The following MAMLD1 variants were observed in gnomAD, a reference collection of about 807,000 sequenced individuals.
MAMLD1 encodes the protein mastermind-like domain-containing protein 1.
A neutral mutation model predicts 45.0 loss-of-function variants in MAMLD1; 14 were observed. That is an observed-to-expected ratio of 0.31 (90% CI 0.21 to 0.49). The LOEUF is 0.49. Among genes scored for constraint, MAMLD1 ranks in the 20% least tolerant of loss-of-function variants. The probability of loss-of-function intolerance (pLI) is 0.99; values close to 1 mark genes in which losing one functional copy is unlikely to be tolerated. For missense variants in MAMLD1, 543 were observed against 603.6 expected, an observed-to-expected ratio of 0.90 and a Z score of 1.05; for synonymous variants, 254 against 247.8, an observed-to-expected ratio of 1.02 and a Z score of -0.24.
intron 2 of MAMLD1, among the ~76,000 whole-genome samples, chrX:150,448,584 C>A (rs989635270): frequency 1.8e-4 from 20 of 112,156 alleles, no homozygotes; most frequent in Admixed American, 1.7e-3. Context: ...ATGACTCTGG[C>A]GATCTGGGGA....
chrX:150,431,701 T>A (rs782725454), intron 1 of MAMLD1, among the ~76,000 whole-genome samples: 1 of 107,989 alleles, frequency 9.3e-6, no homozygotes, highest in African/African-American at 3.4e-5. Flanking sequence ...TAGGATAATG[T>A]CCACCAGCTC....
intron 1 of MAMLD1, among the ~76,000 whole-genome samples, chrX:150,383,139 C>G (rs1603223020): frequency 3.2e-5 from 1 of 30,973 alleles, no homozygotes; most frequent in African/African-American, 3.7e-4. Flanking sequence ...CTCCTGACCT[C>G]GTGATCCGCC....
intron 5 of MAMLD1, among the ~76,000 whole-genome samples, chrX:150,480,687 T>C (rs903447077): frequency 2.0e-4 from 22 of 112,427 alleles, no homozygotes; most frequent in African/African-American, 6.5e-4. Flanking sequence ...CTTGGTAACG[T>C]GCAGCTAGGA....
intron 1 of MAMLD1, among the ~76,000 whole-genome samples, chrX:150,432,282 GTTGAT>G (rs2034980681): frequency 9.0e-6 from 1 of 111,201 alleles, no homozygotes. Context: ...ATTTTTGCTT[GTTGAT>G]TTAAGTTCCT....
chrX:150,470,351 A>G lies in MAMLD1; in HGVS notation c.778A>G (p.Ile260Val). Reference protein sequence around the residue: ...SLQIPSSSTGISYSIPSTSKQ... With the variant: ...SLQIPSSSTGVSYSIPSTSKQ... ...TCAGATCCCATCCTCCTCCACAGGG[A>G]TCAGCTATTCGATTCCTTCCACCAG... The change falls in exon 4 of 8, where the codon ATC becomes GTC. Residue 260 changes from isoleucine (I) to valine (V), a missense_variant. By Grantham distance (29) the Ile-to-Val change is conservative (BLOSUM62 3). Transcript: ENST00000370401. 8.3e-7 allele frequency: 1 copy of G among 1,209,187 alleles called. No individual in the cohort carries two copies. Among genetic ancestry groups the G allele is most frequent in the Non-Finnish European group, 1.1e-6 (1 of 893,666 alleles).
Position 150,512,026 on chromosome X carries a change from C to G in MAMLD1, c.*67C>G. 2 of 1,100,552 alleles carry G rather than the reference C, an allele frequency of 1.8e-6. No individual in the cohort carries two copies. Among genetic ancestry groups the G allele is most frequent in the Non-Finnish European group, 1.2e-6 (1 of 842,832 alleles). The allele number at this position is 1,100,552 out of a possible 1,213,427, so 90.7% of individuals were successfully genotyped here. A position where few individuals can be genotyped will look rare whatever the true frequency, so the allele number is the denominator to read the frequency against. ...TAGCCGTCCAAGAACAAGTCACCTC[C>G]AAGTGTAGCCGGATCAAGGCAAGCC... On this transcript the variant is annotated 3_prime_UTR_variant, in exon 8 of 8. Transcript: ENST00000370401.
intron 1 of MAMLD1, among the ~76,000 whole-genome samples, chrX:150,426,933 AATTG>A (rs1426004430): frequency 8.9e-6 from 1 of 112,160 alleles, no homozygotes; most frequent in Non-Finnish European, 1.9e-5. Context: ...TAAGCATCAG[AATTG>A]ATTGTCTCAC....
At chrX:150,371,581 GA>G (rs2124456724) in intron 1 of MAMLD1, among the ~76,000 whole-genome samples, 1 of 111,889 alleles carries the variant, frequency 8.9e-6, no homozygotes, top group Non-Finnish European at 1.9e-5. Context: ...ATAAAGACAG[GA>G]AAAAAACAAA....
At chrX:150,414,681 T>G (rs1419400496) in intron 1 of MAMLD1, among the ~76,000 whole-genome samples, 1 of 111,770 alleles carries the variant, frequency 8.9e-6, no homozygotes, top group Non-Finnish European at 1.9e-5. Context: ...CAGGGATAAA[T>G]GGCAAGTTCT....
chrX:150,458,832 G>T (rs948235696), intron 2 of MAMLD1, among the ~76,000 whole-genome samples: 18 of 111,526 alleles, frequency 1.6e-4, no homozygotes, highest in African/African-American at 5.6e-4. Context: ...ACAGTAGAAG[G>T]CTGGTTACCA....
chrX:150,377,070 A>G (rs1448342807), intron 1 of MAMLD1, among the ~76,000 whole-genome samples: 1 of 113,033 alleles, frequency 8.8e-6, no homozygotes, highest in Admixed American at 9.3e-5. Context: ...CGCCCCACTC[A>G]TTCCCGAACA....
chrX:150,421,708 T>C (rs2034521913), intron 1 of MAMLD1, among the ~76,000 whole-genome samples: 1 of 112,349 alleles, frequency 8.9e-6, no homozygotes, highest in Admixed American at 9.4e-5. Context: ...GACACTTTCT[T>C]TTTAGAACGT....
intron 2 of MAMLD1, among the ~76,000 whole-genome samples, chrX:150,457,674 A>G (rs782140979): frequency 8.9e-6 from 1 of 112,205 alleles, no homozygotes; most frequent in Non-Finnish European, 1.9e-5. Context: ...ATGCCACAAC[A>G]TGGATGAGCC....
chrX:150,464,428 G>A (rs182546888), intron 3 of MAMLD1, among the ~76,000 whole-genome samples: 47 of 112,148 alleles, frequency 4.2e-4, no homozygotes, highest in Admixed American at 1.4e-3. Flanking sequence ...CTCATGTCTT[G>A]CAATTCTGGA....
At chrX:150,455,374 G>A (rs140619472) in intron 2 of MAMLD1, among the ~76,000 whole-genome samples, 400 of 111,453 alleles carry the variant, frequency 3.6e-3, no homozygotes, top group Middle Eastern at 9.2e-3. Flanking sequence ...GTTCAGGAGC[G>A]CAGCCAATGA....
At chrX:150,375,137 G>A (rs1245224423) in intron 1 of MAMLD1, among the ~76,000 whole-genome samples, 1 of 111,129 alleles carries the variant, frequency 9.0e-6, no homozygotes, top group Admixed American at 9.5e-5. Flanking sequence ...GTCTTCTCAT[G>A]GCAAGGCCAC....
chrX:150,513,159 A>G lies in MAMLD1; in HGVS notation c.*1200A>G. Reference sequence around the variant, plus strand: ...TCCATACCCGCAGTTGTCTCCCGTTACAATTTGAGTGGTGTTGTCAGCCCA... The same window carrying G: ...TCCATACCCGCAGTTGTCTCCCGTTGCAATTTGAGTGGTGTTGTCAGCCCA... On this transcript the variant is annotated 3_prime_UTR_variant, in exon 8 of 8. Transcript: ENST00000370401. 1 of 804,524 alleles carries G rather than the reference A, an allele frequency of 1.2e-6. No individual in the cohort carries two copies. Among genetic ancestry groups the G allele is most frequent in the Non-Finnish European group, 1.7e-6 (1 of 577,783 alleles). 66.3% of individuals were successfully genotyped at this position (804,524 alleles called of 1,213,427 possible).
At chrX:150,398,252 GAGAAGAAGAAGAAGAAGA>G (rs1221742768) in intron 1 of MAMLD1, among the ~76,000 whole-genome samples, 591 of 40,659 alleles carry the variant, frequency 0.015, 10 homozygotes, top group African/African-American at 0.016. Flanking sequence ...GGAGGAGAAG[GAGAAGAAGAAGAAGAAGA>G]AGAAGAAGAA....
chrX:150,502,659 G>A (rs1213276689), intron 5 of MAMLD1, among the ~76,000 whole-genome samples: 2 of 112,163 alleles, frequency 1.8e-5, no homozygotes, highest in Admixed American at 1.9e-4. Context: ...GGCCCTAGTG[G>A]GGTATAGTTC....
Sources: allele counts gnomAD v4.1 joint callset (sites outside exome capture counted in the v4.1 genomes callset), GRCh38; gene constraint gnomAD v4.1.1; transcripts MANE v1.5; gene names NCBI Gene and HGNC (gene_info 2026-07-23, HGNC 2026-07-21).